Variants in PTK7 observed in about 807,000 individuals in gnomAD.
PTK7 encodes inactive tyrosine-protein kinase 7.
A neutral mutation model predicts 116.6 loss-of-function variants in PTK7; 39 were observed. The observed-to-expected ratio is 0.33, with a 90% CI of 0.26 to 0.44. PTK7 has a LOEUF of 0.44. Among genes scored for constraint, PTK7 ranks in the 20% least tolerant of loss-of-function variants. PTK7 has a pLI of 1.00. For synonymous variants in PTK7, 546 were observed against 563.6 expected, an observed-to-expected ratio of 0.97 and a Z score of 0.44; for missense variants, 1,169 against 1,425.6, an observed-to-expected ratio of 0.82 and a Z score of 2.90.
chr6:43,129,772 C>G lies in PTK7; in HGVS notation c.413C>G (p.Ala138Gly), dbSNP rs1204198274. ...PVVLKHPASE[A>G]EIQPQTQVTL... Reference sequence around the variant, plus strand: ...GTCCTGAAGCATCCAGCCTCGGAAGCTGAGATCCAGCCACAGACCCAGGTC... The same window carrying G: ...GTCCTGAAGCATCCAGCCTCGGAAGGTGAGATCCAGCCACAGACCCAGGTC... The change falls in exon 3 of 20, where the codon GCT (alanine) becomes GGT (glycine). Residue 138 changes from alanine (A) to glycine (G), a missense_variant. This residue lies in a region of PTK7 where 487 missense variants were observed against 549.8 expected (regional missense o/e 0.89). Coordinates refer to ENST00000230419, the MANE Select transcript of PTK7 (RefSeq NM_002821.5). The surrounding 1 kb of genome is among the most constrained non-coding windows in gnomAD (Gnocchi z 4.5). 6.2e-7 allele frequency: 1 copy of G among 1,614,212 alleles called. No individual in the cohort carries two copies. The highest frequency in any genetic ancestry group is 8.5e-7 in the Non-Finnish European group (1 of 1,180,040).
At chr6:43,144,158 A>G (rs1334358262) in intron 14 of PTK7, 12 of 380,236 alleles carry the variant, frequency 3.2e-5, no homozygotes, top group Non-Finnish European at 1.5e-5. Context: ...AAAAATCCTT[A>G]TGTGTAGCTA....
intron 1 of PTK7, among the ~76,000 whole-genome samples, chr6:43,124,235 C>G (rs1028846991): frequency 1.3e-5 from 2 of 152,208 alleles, no homozygotes; most frequent in Non-Finnish European, 2.9e-5. Flanking sequence ...ACCTCAATCC[C>G]GAACCGCCTG....
intron 1 of PTK7, among the ~76,000 whole-genome samples, chr6:43,116,805 A>G (rs190729100): frequency 6.6e-5 from 10 of 152,076 alleles, no homozygotes; most frequent in African/African-American, 2.2e-4. Flanking sequence ...GACTTCAACT[A>G]TGTTTTTATT....
At position 43,107,200 on chromosome 6, in the gene PTK7, A is replaced by G. The variant is rs561478841; in HGVS notation, c.80-21777A>G. Among the ~76,000 whole-genome samples, 10 of 152,284 alleles carry G rather than the reference A, an allele frequency of 6.6e-5. No homozygotes were observed. The South Asian group carries it at 2.1e-3, about 32-fold the overall frequency. The stretch of plus-strand genomic sequence containing the variant: ...CGACCTCCCAAAGTGCTGGGATTAC[A>G]GGTGTGAGCCACCTCGCCTGGACTC... On this transcript the variant is annotated intron_variant, in intron 1 of 19. Coordinates refer to ENST00000230419, the MANE Select transcript of PTK7 (RefSeq NM_002821.5).
intron 1 of PTK7, among the ~76,000 whole-genome samples, chr6:43,104,687 C>A (rs1360198300): frequency 6.6e-6 from 1 of 152,094 alleles, no homozygotes; most frequent in Non-Finnish European, 1.5e-5. Context: ...CTCAGCCTCC[C>A]AGAGTGCTGG....
chr6:43,153,991 C>T (rs1401930406), intron 17 of PTK7, among the ~76,000 whole-genome samples: 6 of 152,040 alleles, frequency 3.9e-5, no homozygotes, highest in Middle Eastern at 3.4e-3. Flanking sequence ...GGTGAAACCC[C>T]GTTTCTACTA....
chr6:43,130,347 G>T lies in PTK7; in HGVS notation c.588G>T (p.Gly196=). The T allele has an allele frequency of 6.2e-7, 1 of 1,612,530 alleles. No individual in the cohort carries two copies. Among genetic ancestry groups the T allele is most frequent in the Non-Finnish European group, 8.5e-7 (1 of 1,179,204 alleles). ...GGCCAGCTGGTCCTGAGCATAGTGG[G>T]CTGTATTCCTGCTGCGCCCACAGTG... ...TLRPAGPEHS[G]LYSCCAHSAF... Residue 196 remains glycine (G), a synonymous_variant, in exon 4 of 20, where the codon GGG becomes GGT. Transcript: ENST00000230419.
chr6:43,083,990 C>T (rs976076250), intron 1 of PTK7, among the ~76,000 whole-genome samples: 2 of 152,106 alleles, frequency 1.3e-5, no homozygotes, highest in African/African-American at 4.8e-5. Context: ...GTTTCCTGGG[C>T]CTTACTGCAG....
chr6:43,150,698 A>T (rs941656834), intron 17 of PTK7, among the ~76,000 whole-genome samples: 4 of 149,694 alleles, frequency 2.7e-5, no homozygotes, highest in African/African-American at 9.8e-5. Flanking sequence ...TATGATGGCC[A>T]CTGAAGCAGC....
intron 17 of PTK7, 45 bp from the exon 18 acceptor site, chr6:43,158,772 A>G: frequency 1.3e-6 from 2 of 1,592,640 alleles, no homozygotes; most frequent in Non-Finnish European, 1.7e-6. Flanking sequence ...GGTCATCTTG[A>G]TGCCTATTCC....
At chr6:43,095,545 G>C (rs978986986) in intron 1 of PTK7, among the ~76,000 whole-genome samples, 5 of 152,056 alleles carry the variant, frequency 3.3e-5, no homozygotes, top group African/African-American at 1.2e-4. Context: ...GGAAGGAAAG[G>C]GGCCAATTTA....
Position 43,129,235 on chromosome 6 carries a change from G to T in PTK7, c.338G>T (p.Arg113Leu), listed in dbSNP as rs757907657. Reference protein sequence around the residue: ...ARDDVTGEEARSANASFNIKW... With the variant: ...ARDDVTGEEALSANASFNIKW... ...GATGATGTCACTGGAGAAGAAGCCC[G>T]CAGTGCCAACGCCTCCTTCAACATC... The change falls in exon 2 of 20, where the codon CGC (arginine) becomes CTC (leucine). Residue 113 changes from arginine (R) to leucine (L), a missense_variant. Arg to Leu is a moderately radical substitution (Grantham distance 102). This residue lies in a region of PTK7 where 487 missense variants were observed against 549.8 expected (regional missense o/e 0.89). Transcript: ENST00000230419. This position sits in a 1 kb window ranked among gnomAD's most constrained non-coding sequence, Gnocchi z 4.5. The T allele has an allele frequency of 6.2e-7, 1 of 1,614,090 alleles. No individual in the cohort carries two copies. Among genetic ancestry groups the T allele is most frequent in the Non-Finnish European group, 8.5e-7 (1 of 1,180,036 alleles).
intron 17 of PTK7, among the ~76,000 whole-genome samples, chr6:43,149,392 T>C (rs1019943657): frequency 1.3e-5 from 2 of 152,040 alleles, no homozygotes; most frequent in Non-Finnish European, 2.9e-5. Context: ...AAAAAAGATT[T>C]CTGGACCATG....
At chr6:43,142,656 G>T (rs117030052) in intron 13 of PTK7, 1 of 374,560 alleles carries the variant, frequency 2.7e-6, no homozygotes, top group East Asian at 6.4e-5. Flanking sequence ...TCTCCAGGAG[G>T]CCCAGAGAGG....
At chr6:43,088,001 T>C (rs1233138300) in intron 1 of PTK7, among the ~76,000 whole-genome samples, 1 of 151,988 alleles carries the variant, frequency 6.6e-6, no homozygotes, top group Non-Finnish European at 1.5e-5. Flanking sequence ...ACAGAGCTGG[T>C]GAGGAATAGG....
chr6:43,100,062 T>C (rs2150388829), intron 1 of PTK7, among the ~76,000 whole-genome samples: 1 of 152,222 alleles, frequency 6.6e-6, no homozygotes, highest in South Asian at 2.1e-4. Flanking sequence ...TGTGAACCAC[T>C]GCACCTGGCC....
chr6:43,087,039 G>A (rs1255073408), intron 1 of PTK7, among the ~76,000 whole-genome samples: 1 of 152,202 alleles, frequency 6.6e-6, no homozygotes, highest in African/African-American at 2.4e-5. Flanking sequence ...CAGCTGATGG[G>A]CCAAGATGAT....
intron 1 of PTK7, among the ~76,000 whole-genome samples, chr6:43,100,494 A>AT (rs371212777): frequency 1.1e-3 from 171 of 151,358 alleles, no homozygotes; most frequent in African/African-American, 3.6e-3. Flanking sequence ...CTGTAATTTG[A>AT]TTTTTTTCAA....
chr6:43,132,367 T>C, intron 6 of PTK7, 54 bp from the exon 7 acceptor site: 1 of 1,533,656 alleles, frequency 6.5e-7, no homozygotes, highest in South Asian at 1.3e-5. Flanking sequence ...GAGAACATCA[T>C]GTACCCTGAG....
Sources: gnomAD v4.1 joint callset for allele counts (sites outside exome capture counted in the v4.1 genomes callset) on GRCh38, gnomAD v4.1.1 for gene constraint, gnomAD v4.1.1 regional missense constraint, Gnocchi (gnomAD v3.1) non-coding constraint, MANE v1.5 for transcripts, NCBI Gene and HGNC (gene_info 2026-07-23, HGNC 2026-07-21) for gene names.